FGF13: variants seen among roughly 807,000 people sequenced by gnomAD.
The protein encoded by FGF13 is fibroblast growth factor homologous factor 2.
In FGF13, 2 loss-of-function variants were observed where a neutral mutation model predicts 19.5. The ratio of observed to expected loss-of-function variants is 0.10; its 90% CI spans 0.04 to 0.32. The LOEUF is 0.32. Among genes scored for constraint, FGF13 ranks in the 10% least tolerant of loss-of-function variants. The pLI is 1.00. For missense variants in FGF13, 113 were observed against 192.7 expected, an observed-to-expected ratio of 0.59 and a Z score of 2.45; for synonymous variants, 72 against 76.9, an observed-to-expected ratio of 0.94 and a Z score of 0.33.
At chrX:138,972,055 A>G (rs142855894) in intron 1 of FGF13, among the ~76,000 whole-genome samples, 1,087 of 26,979 alleles carry the variant, frequency 0.04, 13 homozygotes, top group African/African-American at 0.088. Context: ...CTAGTATTCT[A>G]TTGTGTGTGT....
intron 1 of FGF13, among the ~76,000 whole-genome samples, chrX:138,947,822 A>T (rs2091789708): frequency 9.0e-6 from 1 of 111,690 alleles, no homozygotes; most frequent in Admixed American, 9.5e-5. Context: ...AGGCCTTTAA[A>T]TTACAGTAAT....
chrX:139,045,954 C>T (rs1463768767), intron 1 of FGF13, among the ~76,000 whole-genome samples: 1 of 111,987 alleles, frequency 8.9e-6, no homozygotes, highest in Non-Finnish European at 1.9e-5. Flanking sequence ...TCCAAAGTTG[C>T]TTCCACATTC....
chrX:138,698,251 C>T (rs1458663867), intron 3 of FGF13, among the ~76,000 whole-genome samples: 2 of 109,736 alleles, frequency 1.8e-5, no homozygotes, highest in East Asian at 2.9e-4. Context: ...GTGGAGGTGT[C>T]GTTTCTTTAT....
intron 1 of FGF13, among the ~76,000 whole-genome samples, chrX:139,090,941 CAAAAA>C (rs1181771963): frequency 2.4e-4 from 8 of 32,755 alleles, no homozygotes; most frequent in African/African-American, 9.0e-4. Flanking sequence ...GACCCTGTCT[CAAAAA>C]AAAAAAAAAA....
intron 1 of FGF13, among the ~76,000 whole-genome samples, chrX:138,886,080 T>G (rs1381349231): frequency 8.9e-6 from 1 of 112,130 alleles, no homozygotes; most frequent in Non-Finnish European, 1.9e-5. Flanking sequence ...GAGTCATGTT[T>G]GTTTTGAGAA....
At chrX:139,159,119 C>G (rs2084005871) in intron 1 of FGF13, among the ~76,000 whole-genome samples, 1 of 112,336 alleles carries the variant, frequency 8.9e-6, no homozygotes, top group Non-Finnish European at 1.9e-5. Flanking sequence ...ATCAGGCTAA[C>G]AGCAGATCTC....
Position 138,799,473 on chromosome X carries a change from T to C in FGF13, c.217+58039A>G, listed in dbSNP as rs751531687. Among the ~76,000 whole-genome samples the C allele has an allele frequency of 3.6e-5, 4 of 111,713 alleles. No individual in the cohort carries two copies. The East Asian group carries it at 1.1e-3, about 31-fold the overall frequency. On this transcript the variant is annotated intron_variant, in intron 3 of 6. Transcript: ENST00000436198. ...TTTGCATTTGCTGAACCGTGTTTTA[T>C]TTCCAATTATGTGGTCAATTTTAGA...
chrX:139,204,308 G>A, upstream of FGF13: 1 of 357,986 alleles, frequency 2.8e-6, no homozygotes, highest in East Asian at 4.9e-5. Context: ...AGGGGTGAAG[G>A]AGGAGCCGCC....
chrX:138,896,855 C>A (rs1228886204), intron 1 of FGF13, among the ~76,000 whole-genome samples: 1 of 111,946 alleles, frequency 8.9e-6, no homozygotes, highest in Non-Finnish European at 1.9e-5. Context: ...CAGGACACCA[C>A]TGCAGTAGCT....
At chrX:139,056,353 T>A (rs1194674888) in intron 1 of FGF13, among the ~76,000 whole-genome samples, 1 of 112,355 alleles carries the variant, frequency 8.9e-6, no homozygotes, top group Non-Finnish European at 1.9e-5. Context: ...CCACTCTGTG[T>A]TAGCATCTCC....
intron 1 of FGF13, among the ~76,000 whole-genome samples, chrX:139,114,189 T>A (rs921156518): frequency 8.0e-5 from 9 of 111,981 alleles, no homozygotes; most frequent in African/African-American, 2.9e-4. Context: ...GGATCTGAGT[T>A]ATTTTGCCTT....
intron 3 of FGF13, among the ~76,000 whole-genome samples, chrX:138,788,881 C>G (rs183229850): frequency 4.4e-4 from 49 of 111,705 alleles, no homozygotes; most frequent in Non-Finnish European, 7.7e-4. Flanking sequence ...CATTTCTCTC[C>G]TCTTGAATTT....
chrX:138,721,121 A>G (rs1200078366), intron 1 of FGF13, among the ~76,000 whole-genome samples: 7 of 112,112 alleles, frequency 6.2e-5, no homozygotes, highest in African/African-American at 2.3e-4. Flanking sequence ...ATGCCAATAA[A>G]AATGAAAATT....
chrX:138,833,653 C>A (rs748246359), intron 3 of FGF13, among the ~76,000 whole-genome samples: 1 of 111,637 alleles, frequency 9.0e-6, no homozygotes, highest in African/African-American at 3.3e-5. Flanking sequence ...TTTATTTTTT[C>A]TCTCTTCACT....
chrX:138,972,908 T>C (rs906878829), intron 1 of FGF13, among the ~76,000 whole-genome samples: 2 of 28,893 alleles, frequency 6.9e-5, no homozygotes, highest in African/African-American at 1.4e-4. Context: ...ATTTACTTCA[T>C]TATTTTTTTT....
chrX:138,802,325 G>C (rs902968030), intron 3 of FGF13, among the ~76,000 whole-genome samples: 2 of 110,801 alleles, frequency 1.8e-5, no homozygotes, highest in African/African-American at 6.6e-5. Flanking sequence ...AGTCCCTCAC[G>C]GCTTCCCTTG....
In FGF13 at chrX:138,968,947, T is replaced by C. The variant is rs563972070; in HGVS notation, c.-112-104297A>G. ...TGCTCACAGCAATATACCCAGTATC[T>C]AAACAAGTACCTGGCACATAAATAT... On this transcript the variant is annotated intron_variant, in intron 1 of 2. Coordinates refer to the FGF13 transcript ENST00000421460. Among the ~76,000 whole-genome samples the C allele has an allele frequency of 5.3e-4, 60 of 112,521 alleles. No individual in the cohort carries two copies. In the South Asian group the frequency reaches 0.022, roughly 41 times the overall value.
chrX:138,714,998 T>C (rs1271857074), upstream of FGF13, among the ~76,000 whole-genome samples: 8 of 111,901 alleles, frequency 7.1e-5, no homozygotes, highest in African/African-American at 2.6e-4. Context: ...CATTGTGGCC[T>C]TGCTATGGAA....
At chrX:138,827,581 T>G (rs183808094) in intron 3 of FGF13, among the ~76,000 whole-genome samples, 40 of 111,237 alleles carry the variant, frequency 3.6e-4, no homozygotes, top group African/African-American at 1.1e-3. Flanking sequence ...TAGCTAGAAT[T>G]TATTAAGTGT....
Sources: allele counts gnomAD v4.1 joint callset (sites outside exome capture counted in the v4.1 genomes callset), GRCh38; gene constraint gnomAD v4.1.1; transcripts MANE v1.5; gene names NCBI Gene and HGNC (gene_info 2026-07-23, HGNC 2026-07-21).